Variants in CENPV observed in about 807,000 individuals in gnomAD.
The protein encoded by CENPV is nuclear protein p30.
A neutral mutation model predicts 26.4 loss-of-function variants in CENPV; 15 were observed. The observed-to-expected ratio is 0.57, with a 90% confidence interval of 0.38 to 0.88. The LOEUF is 0.88. Among genes scored for constraint, CENPV ranks in the 40% least tolerant of loss-of-function variants. CENPV has a pLI of 0.00. For missense variants in CENPV, 336 were observed against 376.5 expected (o/e 0.89, Z 0.89); for synonymous variants, 172 against 165.5 (o/e 1.04, Z -0.30).
At chr17:16,344,746 CAA>C (rs1414006606) in intron 3 of CENPV, 35 bp from the exon 4 acceptor site, 10 of 1,187,276 alleles carry the variant, frequency 8.4e-6, no homozygotes, top group African/African-American at 1.6e-5. Context: ...TTCTTTTTTA[CAA>C]AGAGATTTAT....
chr17:16,344,518 G>T, intron 4 of CENPV, 79 bp downstream of exon 4: 1 of 749,786 alleles, frequency 1.3e-6, no homozygotes. Context: ...CATCCCACCT[G>T]TCCAAATAAG....
chr17:16,351,942 T>A (rs1361636382), intron 1 of CENPV: 2 of 152,224 alleles, frequency 1.3e-5, no homozygotes, highest in South Asian at 2.1e-4. Flanking sequence ...GAACGTTTTT[T>A]AAAAATTCAG....
At chr17:16,349,133 G>A in intron 2 of CENPV, 1 of 989,220 alleles carries the variant, frequency 1.0e-6, no homozygotes, top group Non-Finnish European at 1.2e-6. Context: ...CACGTCCCCA[G>A]AATTACCATC....
chr17:16,352,759 T>G lies in CENPV; in HGVS notation c.410+268A>C, dbSNP rs534005524. Among the ~76,000 whole-genome samples, 511 of 152,078 alleles carry G rather than the reference T, an allele frequency of 3.4e-3. 3 individuals carry two copies. Among genetic ancestry groups the G allele is most frequent in the Non-Finnish European group, 2.8e-3 (193 of 68,000 alleles). On this transcript the variant is annotated intron_variant, in intron 1 of 4. Transcript: ENST00000299736. ...TTATGGCCGGGAAAGACTCTTTGTG[T>G]CCCAAGACGGCTGCGCGCGCCCTCA...
chr17:16,343,035 C>T, intron 4 of CENPV, 94 bp from the exon 5 acceptor site: 1 of 1,388,320 alleles, frequency 7.2e-7, no homozygotes, highest in Non-Finnish European at 1.0e-6. Flanking sequence ...CTGCAGGCAT[C>T]ATCACGCTAC....
intron 2 of CENPV, chr17:16,348,986 G>A: frequency 9.3e-7 from 1 of 1,076,168 alleles, no homozygotes; most frequent in Non-Finnish European, 1.1e-6. Flanking sequence ...CTGGACTTCA[G>A]AGACACTTAG....
At position 16,353,094 on chromosome 17, in the gene CENPV, A is replaced by T; in HGVS notation, c.343T>A (p.Trp115Arg). The change falls in exon 1 of 5, where the codon TGG (tryptophan) becomes AGG (arginine). Residue 115 changes from tryptophan (W) to arginine (R), a missense_variant. Physicochemically the swap from Trp to Arg is moderately radical, Grantham distance 101. Coordinates refer to ENST00000299736, the MANE Select transcript of CENPV (RefSeq NM_181716.3). The stretch of plus-strand genomic sequence containing the variant: ...TTCTGCCGCTTCTGGAACGTCTCCC[A>T]GCGCTCCCGCTGCTCGCCCAGGTCC... ...NLDLGEQRER[W>R]ETFQKRQKLT... 6.4e-7 allele frequency: 1 copy of T among 1,570,914 alleles called. No homozygotes were observed. The highest frequency in any genetic ancestry group is 8.6e-7 in the Non-Finnish European group (1 of 1,160,316).
At chr17:16,343,551 C>T (rs940205381) in intron 4 of CENPV, among the ~76,000 whole-genome samples, 7 of 152,138 alleles carry the variant, frequency 4.6e-5, no homozygotes, top group African/African-American at 1.4e-4. Flanking sequence ...AGGCTGGTCT[C>T]GAACTCCCGA....
Position 16,353,081 on chromosome 17 carries a change from TG to T in CENPV, c.355del (p.Gln119ArgfsTer16). Reference sequence around the variant, plus strand: ...CTCGGAGGTAAGCTTCTGCCGCTTCTGGAACGTCTCCCAGCGCTCCCGCTGC... The same window carrying T: ...CTCGGAGGTAAGCTTCTGCCGCTTCTGAACGTCTCCCAGCGCTCCCGCTGC... The part of the protein sequence containing the change: ...GEQRERWETF[Q>X]KRQKLTSEGA... On this transcript the variant is annotated frameshift_variant, in exon 1 of 5. Coordinates refer to ENST00000299736, the MANE Select transcript of CENPV (RefSeq NM_181716.3). LOFTEE classifies it high-confidence loss of function. 1 of 1,578,096 alleles carries T rather than the reference TG, an allele frequency of 6.3e-7. No homozygotes were observed. Among genetic ancestry groups the T allele is most frequent in the Non-Finnish European group, 8.6e-7 (1 of 1,163,532 alleles).
Position 16,353,385 on chromosome 17 carries a change from A to AGG in CENPV, c.51_52insCC (p.Ser18ProfsTer47), listed in dbSNP as rs768049448. The AGG allele has an allele frequency of 1.1e-5, 14 of 1,220,680 alleles. No homozygotes were observed. The highest frequency in any genetic ancestry group is 3.4e-5 in the South Asian group (1 of 29,734). 75.6% of individuals were successfully genotyped at this position (1,220,680 alleles called of 1,614,324 possible). Reference sequence around the variant, plus strand: ...GCCGCGGGGGCCGCGGAGGCCCCGGACCGCTTCTGCCCGCGCAGCTTGGCG... The same window carrying AGG: ...GCCGCGGGGGCCGCGGAGGCCCCGGAGGCCGCTTCTGCCCGCGCAGCTTGGCG... On this transcript the variant is annotated frameshift_variant, in exon 1 of 5. Transcript: ENST00000299736. LOFTEE classifies it high-confidence loss of function.
intron 2 of CENPV, chr17:16,349,627 C>A: frequency 8.9e-7 from 1 of 1,128,030 alleles, no homozygotes; most frequent in Non-Finnish European, 1.1e-6. Context: ...CAGCCAGGCA[C>A]ACCTGCAGCT....
At chr17:16,346,587 C>G (rs1015504749) in intron 3 of CENPV, among the ~76,000 whole-genome samples, 1 of 152,014 alleles carries the variant, frequency 6.6e-6, no homozygotes. Flanking sequence ...CCTGTCTGTA[C>G]TAAAAATGTA....
In CENPV at chr17:16,353,194, A is replaced by C. The variant is rs2142904782; in HGVS notation, c.243T>G (p.Pro81=). 7.3e-7 allele frequency: 1 copy of C among 1,372,092 alleles called. No individual in the cohort carries two copies. Among genetic ancestry groups the C allele is most frequent in the Non-Finnish European group, 9.4e-7 (1 of 1,068,732 alleles). The allele number at this position is 1,372,092 out of a possible 1,614,324, so 85.0% of individuals were successfully genotyped here. ...GCGGTGGCGGGAGCAACGCCAGCTC[A>C]GGCGGCGGCGGCTCCCCCGGGCCCT... The part of the protein sequence containing the change: ...QEEGPGEPPP[P]ELALLPPPPP... Residue 81 remains proline (P), a synonymous_variant, in exon 1 of 5, where the codon CCT becomes CCG. Transcript: ENST00000299736.
chr17:16,344,619 T>C lies in CENPV; in HGVS notation c.672A>G (p.Pro224=). The change falls in exon 4 of 5, where the codon CCA becomes CCG. Residue 224 remains proline, a synonymous_variant. Transcript: ENST00000299736. ...CACCGAAGCCTCCGGGGTTTGATCG[T>C]GGAGTATAGAAGCTCTGAACGCCAC... is the stretch of plus-strand genomic sequence containing the variant. ...KRCGVQSFYT[P]RSNPGGFGIA... is the part of the protein sequence containing the mutation. The C allele has an allele frequency of 6.3e-7, 1 of 1,589,574 alleles. No homozygotes were observed. Among genetic ancestry groups the C allele is most frequent in the Non-Finnish European group, 8.5e-7 (1 of 1,170,070 alleles).
Position 16,346,351 on chromosome 17 carries a change from G to A in CENPV, c.580-1640C>T, listed in dbSNP as rs181387571. ...TGAAAATGTCCCTCAATAGAGGACC[G>A]GTTAGGCATTATGGACACTCATAAA... is the stretch of plus-strand genomic sequence containing the variant. On this transcript the variant is annotated intron_variant, in intron 3 of 4. Transcript: ENST00000299736. Among the ~76,000 whole-genome samples the A allele has an allele frequency of 8.7e-3, 1,321 of 152,278 alleles. 10 individuals are homozygous for A. The highest frequency in any genetic ancestry group is 0.017 in the South Asian group (84 of 4,826).
chr17:16,343,294 G>A (rs917609), intron 4 of CENPV, among the ~76,000 whole-genome samples: 71,623 of 152,100 alleles, frequency 0.47, 17,299 homozygotes, highest in East Asian at 0.81. Flanking sequence ...CTGGCAGCCT[G>A]AAGAATTCAC....
Position 16,353,310 on chromosome 17 carries a change from C to G in CENPV, c.127G>C (p.Ala43Pro). 2.1e-6 allele frequency: 3 copies of G among 1,399,918 alleles called. No individual in the cohort carries two copies. Among genetic ancestry groups the G allele is most frequent in the Non-Finnish European group, 2.8e-6 (3 of 1,075,162 alleles). The allele number at this position is 1,399,918 out of a possible 1,614,324, so 86.7% of individuals were successfully genotyped here. ...TGGCTCTTGCTCCCGGCCTGGCTAG[C>G]GGAGCGCCGTGTGCGGGTGGCGCTG... ...APSATRTRRSASQAGSKSQAV... is the reference protein window; with the variant it reads ...APSATRTRRSPSQAGSKSQAV... Residue 43 changes from alanine (A) to proline (P), a missense_variant, in exon 1 of 5, where the codon GCT (alanine) becomes CCT (proline). Coordinates refer to ENST00000299736, the MANE Select transcript of CENPV (RefSeq NM_181716.3).
chr17:16,346,689 TAC>T (rs1436730370), intron 3 of CENPV, among the ~76,000 whole-genome samples: 1 of 150,210 alleles, frequency 6.7e-6, no homozygotes. Flanking sequence ...AGGCGGAGGT[TAC>T]AGTGAGCCGA....
chr17:16,353,400 G>T lies in CENPV; in HGVS notation c.37C>A (p.Arg13Ser). The change falls in exon 1 of 5, where the codon CGC (arginine) becomes AGC (serine). Residue 13 changes from arginine (R) to serine (S), a missense_variant. This residue lies in a region of CENPV where 181 missense variants were observed against 148.8 expected (regional missense o/e 1.22). Coordinates refer to ENST00000299736, the MANE Select transcript of CENPV (RefSeq NM_181716.3). Reference sequence around the variant, plus strand: ...GAGGCCCCGGACCGCTTCTGCCCGCGCAGCTTGGCGGCCGCAGAGCTCCTC... The same window carrying T: ...GAGGCCCCGGACCGCTTCTGCCCGCTCAGCTTGGCGGCCGCAGAGCTCCTC... ...RSRSSAAAKL[R>S]GQKRSGASAA... 6 of 1,068,590 alleles carry T rather than the reference G, an allele frequency of 5.6e-6. No homozygotes were observed. Among genetic ancestry groups the T allele is most frequent in the Non-Finnish European group, 5.8e-6 (5 of 868,954 alleles). The allele number at this position is 1,068,590 out of a possible 1,614,324, so 66.2% of individuals were successfully genotyped here.
Sources: allele counts gnomAD v4.1 joint callset (sites outside exome capture counted in the v4.1 genomes callset), GRCh38; gene constraint gnomAD v4.1.1; regional missense constraint gnomAD v4.1.1; transcripts MANE v1.5; gene names NCBI Gene and HGNC (gene_info 2026-07-23, HGNC 2026-07-21).